The following PAX5 variants were observed in gnomAD, a reference collection of about 807,000 sequenced individuals.
PAX5 encodes paired box 5.
A neutral mutation model predicts 43.7 loss-of-function variants in PAX5; 9 were observed. The ratio of observed to expected loss-of-function variants is 0.21; its 90% CI spans 0.12 to 0.36. The LOEUF (loss-of-function observed/expected upper bound fraction) is 0.36. PAX5 is among the 10% of genes least tolerant of loss of function. The pLI, the probability that PAX5 is intolerant of heterozygous loss-of-function variation, is 1.00. For synonymous variants in PAX5, 228 were observed against 214.3 expected (o/e 1.06, Z -0.56); for missense variants, 383 against 532.7 (o/e 0.72, Z 2.77).
intron 7 of PAX5, among the ~76,000 whole-genome samples, chr9:36,894,054 G>C (rs1827645198): frequency 6.6e-6 from 1 of 152,192 alleles, no homozygotes; most frequent in Admixed American, 6.5e-5. Flanking sequence ...GAGGTTGGTT[G>C]CTGATCGAGA....
intron 5 of PAX5, among the ~76,000 whole-genome samples, chr9:36,975,691 A>C (rs1482337169): frequency 7.9e-5 from 12 of 152,220 alleles, no homozygotes; most frequent in Admixed American, 7.9e-4. Flanking sequence ...AGCCTTGAGC[A>C]ACTTCTTTAA....
chr9:36,957,148 G>T (rs1179710129), intron 6 of PAX5, among the ~76,000 whole-genome samples: 2 of 152,204 alleles, frequency 1.3e-5, no homozygotes, highest in African/African-American at 4.8e-5. Flanking sequence ...CGGCTCAGAA[G>T]CCCTTCTCTG....
In PAX5 at chr9:37,002,685, G is replaced by A. The variant is rs1329906973; in HGVS notation, c.567C>T (p.Ser189=). 2.5e-6 allele frequency: 4 copies of A among 1,611,642 alleles called. No homozygotes were observed. The highest frequency in any genetic ancestry group is 1.1e-5 in the South Asian group (1 of 90,568). The change falls in exon 5 of 10, where the codon TCC becomes TCT. Residue 189 remains serine (S), a synonymous_variant. Transcript: ENST00000358127. Reference sequence around the variant, plus strand: ...TGCGCTTGTTGGTGTCGGCGCTGGGGGACGTGATGCCCAGGATGCCGCTGA... The same window carrying A: ...TGCGCTTGTTGGTGTCGGCGCTGGGAGACGTGATGCCCAGGATGCCGCTGA... ...YSISGILGIT[S]PSADTNKRKR...
At chr9:36,876,525 T>G (rs1825926311) in intron 8 of PAX5, among the ~76,000 whole-genome samples, 1 of 152,222 alleles carries the variant, frequency 6.6e-6, no homozygotes, top group Non-Finnish European at 1.5e-5. Flanking sequence ...TGTCAGAATT[T>G]CAAATGCCAT....
chr9:36,938,703 G>A (rs1831773735), intron 6 of PAX5, among the ~76,000 whole-genome samples: 9 of 152,160 alleles, frequency 5.9e-5, no homozygotes, highest in Admixed American at 5.2e-4. Flanking sequence ...ACAGTAGGCT[G>A]GGAAAACCCA....
chr9:36,902,791 C>T (rs1828518226), intron 7 of PAX5, among the ~76,000 whole-genome samples: 1 of 152,238 alleles, frequency 6.6e-6, no homozygotes, highest in African/African-American at 2.4e-5. Flanking sequence ...GCACAGACGG[C>T]TATTTGTGCC....
chr9:36,961,119 C>T (rs980165298), intron 6 of PAX5, among the ~76,000 whole-genome samples: 4 of 152,182 alleles, frequency 2.6e-5, no homozygotes, highest in Non-Finnish European at 5.9e-5. Context: ...GCCTCATGGT[C>T]GAGGTTCAGG....
rs561385101 is a variant in PAX5, at chr9:36,890,458, C to T, written c.911-8353G>A. ...AACTGGCAACTCTGTCTGCTGGGGA[C>T]TCCTAAGGTCCAGGAAGCCTGCACA... On this transcript the variant is annotated intron_variant, in intron 7 of 9. Coordinates refer to ENST00000358127, the MANE Select transcript of PAX5 (RefSeq NM_016734.3). Among the ~76,000 whole-genome samples, 4 of 152,304 alleles carry T rather than the reference C, an allele frequency of 2.6e-5. No individual in the cohort carries two copies. The South Asian group carries it at 8.3e-4, about 32-fold the overall frequency.
chr9:36,881,372 C>T (rs4480201), intron 8 of PAX5, among the ~76,000 whole-genome samples: 138,901 of 151,820 alleles, frequency 0.91, 63,569 homozygotes, highest in Admixed American at 0.93. Flanking sequence ...ATGCTAATGC[C>T]CTTAACACCC....
intron 5 of PAX5, among the ~76,000 whole-genome samples, chr9:36,992,416 C>T (rs1837026321): frequency 6.6e-6 from 1 of 152,174 alleles, no homozygotes; most frequent in Non-Finnish European, 1.5e-5. Flanking sequence ...GGAGAATAGG[C>T]AGGGTTCTGA....
chr9:36,914,971 G>A (rs972569359), intron 7 of PAX5, among the ~76,000 whole-genome samples: 2 of 151,996 alleles, frequency 1.3e-5, no homozygotes, highest in Admixed American at 6.5e-5. Flanking sequence ...TATTTACATC[G>A]GTACAGATAG....
chr9:36,908,125 G>A (rs957707241), intron 7 of PAX5, among the ~76,000 whole-genome samples: 7 of 151,744 alleles, frequency 4.6e-5, no homozygotes. Flanking sequence ...CTTGAGGCTG[G>A]GAGGACAAGG....
intron 7 of PAX5, among the ~76,000 whole-genome samples, chr9:36,921,563 T>C (rs981643843): frequency 6.6e-6 from 1 of 152,158 alleles, no homozygotes; most frequent in South Asian, 2.1e-4. Context: ...GTTTCTCTAT[T>C]TGTGAAATGG....
rs1429560372 is a variant in PAX5, at chr9:36,836,126, T to A, written c.*4434A>T. On this transcript the variant is annotated 3_prime_UTR_variant, in exon 10 of 10. Coordinates refer to ENST00000358127, the MANE Select transcript of PAX5 (RefSeq NM_016734.3). ...CTGGTAAATGGATTTCACCCCTCAG[T>A]GCCCTGTGGCCACATCTGAGTCTCT... 8.6e-6 allele frequency: 2 copies of A among 233,292 alleles called. No homozygotes were observed. The highest frequency in any genetic ancestry group is 1.7e-5 in the Non-Finnish European group (2 of 118,180). 14.5% of individuals were successfully genotyped at this position (233,292 alleles called of 1,614,324 possible). A position where few individuals can be genotyped will look rare whatever the true frequency, so the allele number is the denominator to read the frequency against.
chr9:36,914,878 C>T (rs901226359), intron 7 of PAX5, among the ~76,000 whole-genome samples: 5 of 152,168 alleles, frequency 3.3e-5, no homozygotes, highest in African/African-American at 1.2e-4. Flanking sequence ...TATATTTTTT[C>T]ATAGAAATGA....
intron 7 of PAX5, among the ~76,000 whole-genome samples, chr9:36,901,508 C>T (rs960049108): frequency 2.0e-5 from 3 of 152,272 alleles, no homozygotes. Context: ...TAGAAACCCA[C>T]GTGCATGATT....
chr9:37,022,514 C>T (rs1311391357), intron 1 of PAX5, among the ~76,000 whole-genome samples: 1 of 152,162 alleles, frequency 6.6e-6, no homozygotes, highest in African/African-American at 2.4e-5. Context: ...AAAGGGCAGG[C>T]AAAGGAAGCT....
intron 1 of PAX5, among the ~76,000 whole-genome samples, chr9:37,022,325 A>G (rs1037179358): frequency 6.6e-6 from 1 of 152,264 alleles, no homozygotes; most frequent in Non-Finnish European, 1.5e-5. Flanking sequence ...TTAGAAACAT[A>G]ATTGCATAGT....
At chr9:36,981,192 C>CT (rs373521078) in intron 5 of PAX5, among the ~76,000 whole-genome samples, 1 of 149,780 alleles carries the variant, frequency 6.7e-6, no homozygotes, top group African/African-American at 2.5e-5. Context: ...AAAGCCCCCC[C>CT]CCCCTCAGCC....
Sources: allele counts gnomAD v4.1 joint callset (sites outside exome capture counted in the v4.1 genomes callset), GRCh38; gene constraint gnomAD v4.1.1; transcripts MANE v1.5; gene names NCBI Gene and HGNC (gene_info 2026-07-23, HGNC 2026-07-21).